ITGB1: variants seen among roughly 807,000 people sequenced by gnomAD.
ITGB1 encodes integrin subunit beta 1.
A neutral mutation model predicts 86.5 loss-of-function variants in ITGB1; 24 were observed. The observed-to-expected ratio is 0.28, with a 90% CI of 0.20 to 0.39. The LOEUF (loss-of-function observed/expected upper bound fraction) is 0.39, where lower values mean the gene tolerates loss of function less well. Ranked by LOEUF, ITGB1 falls within the 10% of genes least tolerant of loss-of-function variation. The probability of loss-of-function intolerance (pLI) is 1.00; values close to 1 mark genes in which losing one functional copy is unlikely to be tolerated. For missense variants in ITGB1, 556 were observed against 946.9 expected, an observed-to-expected ratio of 0.59 and a Z score of 5.42; for synonymous variants, 323 against 316.8, an observed-to-expected ratio of 1.02 and a Z score of -0.21.
intron 4 of ITGB1, among the ~76,000 whole-genome samples, chr10:32,929,012 T>C (rs1377232912): frequency 1.3e-5 from 2 of 151,944 alleles, no homozygotes; most frequent in African/African-American, 4.8e-5. Flanking sequence ...TGCTGCAGCA[T>C]ACAATTGGGT....
chr10:32,908,318 T>C (rs374290614), intron 15 of ITGB1, 50 bp downstream of exon 15: 1 of 1,528,458 alleles, frequency 6.5e-7, no homozygotes, highest in Non-Finnish European at 9.1e-7. Flanking sequence ...CTTAGGAGTA[T>C]TACATTTACT....
At chr10:32,938,268 T>TAA (rs1411005203) in intron 1 of ITGB1, among the ~76,000 whole-genome samples, 2 of 152,164 alleles carry the variant, frequency 1.3e-5, no homozygotes, top group Admixed American at 1.3e-4. Flanking sequence ...CCTGAAACAT[T>TAA]AAAAGTTCCT....
chr10:32,915,454 A>G (rs920897606), intron 11 of ITGB1, among the ~76,000 whole-genome samples: 1 of 152,236 alleles, frequency 6.6e-6, no homozygotes, highest in African/African-American at 2.4e-5. Context: ...AGAATCAAAT[A>G]GATGCAATAA....
chr10:32,924,445 G>A lies in ITGB1; in HGVS notation c.787-705C>T, dbSNP rs78894293. 6.5e-3 allele frequency among the ~76,000 whole-genome samples: 996 copies of A among 152,240 alleles called. 13 individuals are homozygous for A. Among genetic ancestry groups the A allele is most frequent in the African/African-American group, 0.023 (940 of 41,542 alleles). ...CTGCTTTCGTTAATTTATTTAATAC[G>A]TCTGTTTAGATCTTCATAAGACAGT... On this transcript the variant is annotated intron_variant, in intron 6 of 15. Transcript: ENST00000302278.
chr10:32,917,622 G>A (rs1025572540), intron 11 of ITGB1, among the ~76,000 whole-genome samples: 3 of 152,192 alleles, frequency 2.0e-5, no homozygotes, highest in Non-Finnish European at 4.4e-5. Context: ...TCAGAGAAAT[G>A]CAAATCAAAA....
intron 5 of ITGB1, among the ~76,000 whole-genome samples, chr10:32,926,872 A>G (rs1451956299): frequency 6.6e-6 from 1 of 152,116 alleles, no homozygotes; most frequent in Admixed American, 6.6e-5. Flanking sequence ...CAGATGCTCA[A>G]TCTGCCTGGA....
At chr10:32,906,926 T>G in intron 15 of ITGB1, 1 of 466,262 alleles carries the variant, frequency 2.1e-6, no homozygotes. Flanking sequence ...GAAGTTAACA[T>G]ACAAAAAGAA....
At chr10:32,923,011 CATGT>C (rs1163755316) in intron 7 of ITGB1, among the ~76,000 whole-genome samples, 1 of 152,008 alleles carries the variant, frequency 6.6e-6, no homozygotes, top group Non-Finnish European at 1.5e-5. Flanking sequence ...TCTTTACTTT[CATGT>C]ATGAATAAAA....
intron 1 of ITGB1, among the ~76,000 whole-genome samples, chr10:32,940,037 G>A (rs1000619868): frequency 1.1e-4 from 17 of 152,128 alleles, no homozygotes; most frequent in African/African-American, 4.1e-4. Flanking sequence ...TTTTCTGTAA[G>A]GAGAGATACT....
At chr10:32,909,681 G>C (rs1032554132) in intron 14 of ITGB1, among the ~76,000 whole-genome samples, 2 of 151,900 alleles carry the variant, frequency 1.3e-5, no homozygotes, top group East Asian at 3.9e-4. Context: ...GCCATTTTTA[G>C]TATTTACCCA....
intron 1 of ITGB1, among the ~76,000 whole-genome samples, chr10:32,957,131 C>T (rs1434026438): frequency 6.6e-6 from 1 of 152,054 alleles, no homozygotes; most frequent in Non-Finnish European, 1.5e-5. Flanking sequence ...AAACTTGGCC[C>T]TCACTGTCAT....
In ITGB1 at chr10:32,944,818, C is replaced by A. The variant is rs1230108934; in HGVS notation, c.1-9260G>T. On this transcript the variant is annotated intron_variant, in intron 1 of 15. Coordinates refer to ENST00000302278, the MANE Select transcript of ITGB1 (RefSeq NM_002211.4). ...TCTACAACATTGAATTCAACCCTCC[C>A]AAAACTGTGGGCACTGATGATCTGA... is the stretch of plus-strand genomic sequence containing the variant. 8 of 962,754 alleles carry A rather than the reference C, an allele frequency of 8.3e-6. No individual in the cohort carries two copies. The Admixed American group carries it at 1.2e-4, about 15-fold the overall frequency. The allele number at this position is 962,754 out of a possible 1,614,324, so 59.6% of individuals were successfully genotyped here. A position where few individuals can be genotyped will look rare whatever the true frequency, so the allele number is the denominator to read the frequency against.
rs191130140 is a variant in ITGB1 at position 32,952,357 on chromosome 10, T to A, written c.-1+5788A>T. 6.4e-4 allele frequency among the ~76,000 whole-genome samples: 97 copies of A among 152,334 alleles called. 2 individuals carry two copies. The East Asian group carries it at 0.019, about 29-fold the overall frequency. On this transcript the variant is annotated intron_variant, in intron 1 of 15. Coordinates refer to ENST00000302278, the MANE Select transcript of ITGB1 (RefSeq NM_002211.4). ...ATCTTTTTAATCCATGCTTCTTTAATAAGCATAAATCTTACTCCCTATTGT... is the reference window on the plus strand; with the variant it reads ...ATCTTTTTAATCCATGCTTCTTTAAAAAGCATAAATCTTACTCCCTATTGT...
At chr10:32,917,899 G>A (rs1203504167) in intron 11 of ITGB1, among the ~76,000 whole-genome samples, 3 of 151,820 alleles carry the variant, frequency 2.0e-5, no homozygotes, top group Admixed American at 6.6e-5. Context: ...GCACACGTAT[G>A]TTTACTGCGG....
At chr10:32,915,074 A>G (rs1222157705) in intron 11 of ITGB1, among the ~76,000 whole-genome samples, 1 of 152,244 alleles carries the variant, frequency 6.6e-6, no homozygotes, top group Non-Finnish European at 1.5e-5. Flanking sequence ...TACTGGATAC[A>G]TAACAAAATG....
intron 9 of ITGB1, 71 bp from the exon 10 acceptor site, chr10:32,920,456 T>C (rs2094945895): frequency 1.5e-6 from 2 of 1,354,836 alleles, no homozygotes; most frequent in Non-Finnish European, 2.1e-6. Flanking sequence ...AACCAATGGA[T>C]AAACTGCTCA....
In ITGB1 at chr10:32,912,029, G is replaced by C; in HGVS notation, c.1565C>G (p.Ser522Ter). The change falls in exon 12 of 16, where the codon TCA becomes TGA. Residue 522 changes from serine (S) to a stop codon, truncating the protein, a stop_gained. Coordinates refer to ENST00000302278, the MANE Select transcript of ITGB1 (RefSeq NM_002211.4). LOFTEE classifies it high-confidence loss of function. ...MDAYCRKENS[S>*]EICSNNGECV... ...CTCTCCATTGTTACTGCAGATTTCT[G>C]AACTGTTTTCTTTCCTGCAGTAAGC... 1 of 1,614,126 alleles carries C rather than the reference G, an allele frequency of 6.2e-7. No homozygotes were observed. The highest frequency in any genetic ancestry group is 1.3e-5 in the African/African-American group (1 of 75,046).
chr10:32,950,268 G>GTC, intron 1 of ITGB1, among the ~76,000 whole-genome samples: 1 of 152,232 alleles, frequency 6.6e-6, no homozygotes, highest in East Asian at 1.9e-4. Context: ...TGAAAGACAT[G>GTC]AGGTTCCTCC....
intron 4 of ITGB1, among the ~76,000 whole-genome samples, chr10:32,929,132 C>T (rs1024719138): frequency 2.6e-5 from 4 of 152,038 alleles, no homozygotes; most frequent in Non-Finnish European, 5.9e-5. Flanking sequence ...CAAAGAAAAA[C>T]CGAGGAGTGG....
Sources: gnomAD v4.1 joint callset for allele counts (sites outside exome capture counted in the v4.1 genomes callset) on GRCh38, gnomAD v4.1.1 for gene constraint, MANE v1.5 for transcripts, NCBI Gene and HGNC (gene_info 2026-07-23, HGNC 2026-07-21) for gene names.